The following TTC29 variants were observed in gnomAD, a reference collection of about 807,000 sequenced individuals.
TTC29 encodes tetratricopeptide repeat domain 29, also known as tetratricopeptide repeat protein 29.
Under a neutral mutation model 58.1 loss-of-function variants are expected in TTC29, and 49 were observed. The observed-to-expected ratio is 0.84, with a 90% CI of 0.67 to 1.07. TTC29 has a LOEUF of 1.07. TTC29 is among the 50% of genes least tolerant of loss of function. The probability of loss-of-function intolerance (pLI) is 0.00; values close to 1 mark genes in which losing one functional copy is unlikely to be tolerated. For synonymous variants in TTC29, 209 were observed against 196.8 expected, an observed-to-expected ratio of 1.06 and a Z score of -0.52; for missense variants, 582 against 555.6, an observed-to-expected ratio of 1.05 and a Z score of -0.48.
At chr4:146,772,798 C>A (rs910093094) in intron 11 of TTC29, among the ~76,000 whole-genome samples, 5 of 152,044 alleles carry the variant, frequency 3.3e-5, no homozygotes, top group Non-Finnish European at 7.4e-5. Context: ...AGCATTGAAT[C>A]TGTAAGTTGC....
chr4:146,724,487 T>C (rs1243658349), intron 11 of TTC29, among the ~76,000 whole-genome samples: 8 of 152,204 alleles, frequency 5.3e-5, no homozygotes, highest in Admixed American at 5.2e-4. Context: ...GTTTATAAAA[T>C]GCTTTAGAGA....
intron 10 of TTC29, among the ~76,000 whole-genome samples, chr4:146,804,195 G>A (rs1322714218): frequency 6.6e-6 from 1 of 152,214 alleles, no homozygotes; most frequent in East Asian, 1.9e-4. Flanking sequence ...ACTGTGCTGT[G>A]AGGAATGGTG....
intron 10 of TTC29, among the ~76,000 whole-genome samples, chr4:146,819,081 T>C (rs1751636529): frequency 6.6e-6 from 1 of 151,436 alleles, no homozygotes; most frequent in Non-Finnish European, 1.5e-5. Context: ...ATTGTGCACA[T>C]GTACCCTAAA....
chr4:146,923,908 TAAGAA>T (rs1299952253), intron 4 of TTC29, among the ~76,000 whole-genome samples: 2 of 151,784 alleles, frequency 1.3e-5, no homozygotes, highest in East Asian at 3.9e-4. Flanking sequence ...GGCATTAATA[TAAGAA>T]AAGGCAAATA....
rs773446493 is a variant in TTC29 at position 146,803,630 on chromosome 4, T to G, written c.1157A>C (p.Glu386Ala). 3 of 1,607,606 alleles carry G rather than the reference T, an allele frequency of 1.9e-6. No homozygotes were observed. In the East Asian group the frequency reaches 6.7e-5, roughly 36 times the overall value. ...ATCCATCAGAGGCATGCTCATTAGC[T>G]CTACTGTTGTGTCAAAAGCTTGCTG... Reference protein sequence around the residue: ...CFQQAFDTTVELMSMPLMDET... With the variant: ...CFQQAFDTTVALMSMPLMDET... Residue 386 changes from glutamate (E) to alanine (A), a missense_variant, in exon 11 of 13, where the codon GAG (glutamate) becomes GCG (alanine). Transcript: ENST00000325106.
intron 10 of TTC29, among the ~76,000 whole-genome samples, chr4:146,810,984 T>G (rs1311152562): frequency 6.6e-6 from 1 of 152,240 alleles, no homozygotes; most frequent in Non-Finnish European, 1.5e-5. Flanking sequence ...TTTCCCATGT[T>G]CATATGCCAT....
chr4:146,831,670 G>C (rs572591867), intron 9 of TTC29: 1 of 429,684 alleles, frequency 2.3e-6, no homozygotes, highest in Non-Finnish European at 4.7e-6. Context: ...CCAGATAATT[G>C]TTCAACTCTT....
chr4:146,812,017 A>C (rs1037126217), intron 10 of TTC29, among the ~76,000 whole-genome samples: 1 of 151,530 alleles, frequency 6.6e-6, no homozygotes, highest in Non-Finnish European at 1.5e-5. Context: ...AAAACATAAA[A>C]TTTATATAAG....
intron 6 of TTC29, among the ~76,000 whole-genome samples, chr4:146,875,856 A>G (rs1231336912): frequency 6.6e-6 from 1 of 152,240 alleles, no homozygotes; most frequent in African/African-American, 2.4e-5. Context: ...TCCTTAAAAT[A>G]TGAGCAAACA....
In TTC29 at chr4:146,724,234, G is replaced by A. The variant is rs545232509; in HGVS notation, c.1331-16683C>T. On this transcript the variant is annotated intron_variant, in intron 11 of 12. Coordinates refer to ENST00000325106, the MANE Select transcript of TTC29 (RefSeq NM_031956.4). ...CTGGGGGCTACTAAACGGGGAGGCA[G>A]AGAAGGAGGCAAGGATTGAAAATCT... Among the ~76,000 whole-genome samples the A allele has an allele frequency of 9.9e-5, 15 of 152,174 alleles. No individual in the cohort carries two copies. The South Asian group carries it at 3.1e-3, about 31-fold the overall frequency.
chr4:146,900,847 C>T (rs967909994), intron 6 of TTC29, among the ~76,000 whole-genome samples: 1 of 151,816 alleles, frequency 6.6e-6, no homozygotes, highest in African/African-American at 2.4e-5. Flanking sequence ...ATGTTTTTCA[C>T]CACCATAAAA....
rs756050588 is a variant in TTC29, at chr4:146,803,559, G to A, written c.1228C>T (p.Leu410Phe). ...YGIAKAHQMMLTVNNYIESAD... is the reference protein window; with the variant it reads ...YGIAKAHQMMFTVNNYIESAD... ...GACTCTATATAGTTGTTCACTGTAA[G>A]CATCATCTGATGAGCTTTTGCTATT... The change falls in exon 11 of 13, where the codon CTT becomes TTT. Residue 410 changes from leucine (L) to phenylalanine (F), a missense_variant. By Grantham distance (22) the Leu-to-Phe change is conservative (BLOSUM62 0). Transcript: ENST00000325106. 1.9e-6 allele frequency: 3 copies of A among 1,605,906 alleles called. No homozygotes were observed. Among genetic ancestry groups the A allele is most frequent in the Non-Finnish European group, 2.6e-6 (3 of 1,175,530 alleles).
intron 7 of TTC29, among the ~76,000 whole-genome samples, chr4:146,873,314 CCTAT>C (rs1202535336): frequency 2.6e-5 from 4 of 152,066 alleles, no homozygotes; most frequent in Non-Finnish European, 5.9e-5. Flanking sequence ...AATCCTTTAA[CCTAT>C]GTACTTTCTT....
chr4:146,772,271 AT>A (rs1747797520), intron 11 of TTC29, among the ~76,000 whole-genome samples: 1 of 151,970 alleles, frequency 6.6e-6, no homozygotes, highest in South Asian at 2.1e-4. Flanking sequence ...CCATTTGTCA[AT>A]TTTTATTTTT....
chr4:146,926,050 A>T (rs747036334), intron 4 of TTC29, among the ~76,000 whole-genome samples: 2 of 152,174 alleles, frequency 1.3e-5, no homozygotes, highest in Non-Finnish European at 2.9e-5. Flanking sequence ...TTTAAGGACC[A>T]GTTAACACAG....
intron 11 of TTC29, among the ~76,000 whole-genome samples, chr4:146,728,806 C>CAT (rs1166582892): frequency 3.2e-5 from 4 of 124,296 alleles, no homozygotes; most frequent in Admixed American, 8.1e-5. Flanking sequence ...TATATATACA[C>CAT]ATATATATGT....
intron 11 of TTC29, among the ~76,000 whole-genome samples, chr4:146,727,109 T>C (rs1224908544): frequency 6.6e-6 from 1 of 151,414 alleles, no homozygotes; most frequent in Non-Finnish European, 1.5e-5. Context: ...AAATTTGTGT[T>C]TTATATTTAT....
intron 11 of TTC29, among the ~76,000 whole-genome samples, chr4:146,766,009 C>T (rs1747292345): frequency 6.6e-6 from 1 of 151,924 alleles, no homozygotes; most frequent in Non-Finnish European, 1.5e-5. Context: ...AAGTTAGGGG[C>T]TTCAGAAATG....
intron 11 of TTC29, among the ~76,000 whole-genome samples, chr4:146,713,805 A>T (rs1742715879): frequency 6.6e-6 from 1 of 152,142 alleles, no homozygotes; most frequent in Non-Finnish European, 1.5e-5. Context: ...GGCCTGAATG[A>T]AGCATTGAAG....
Sources: gnomAD v4.1 joint callset for allele counts (sites outside exome capture counted in the v4.1 genomes callset) on GRCh38, gnomAD v4.1.1 for gene constraint, MANE v1.5 for transcripts, NCBI Gene and HGNC (gene_info 2026-07-23, HGNC 2026-07-21) for gene names.